Variants in TRPS1 observed in about 807,000 individuals in gnomAD.
The protein encoded by TRPS1 is transcriptional repressor GATA binding 1.
In TRPS1, 6 loss-of-function variants were observed where a neutral mutation model predicts 101.2. That is an observed-to-expected ratio of 0.06 (90% CI 0.03 to 0.12). TRPS1 has a LOEUF of 0.12. Ranked by LOEUF, TRPS1 falls within the 10% of genes least tolerant of loss-of-function variation. The probability of loss-of-function intolerance (pLI) is 1.00; values close to 1 mark genes in which losing one functional copy is unlikely to be tolerated. For missense variants in TRPS1, 1,363 were observed against 1,567.0 expected (o/e 0.87, Z 2.20); for synonymous variants, 578 against 589.8 (o/e 0.98, Z 0.29).
intron 5 of TRPS1, among the ~76,000 whole-genome samples, chr8:115,528,785 G>A (rs1469433222): frequency 1.3e-5 from 2 of 151,874 alleles, no homozygotes; most frequent in East Asian, 3.9e-4. Flanking sequence ...ATATATATAT[G>A]TATATATAGT....
At chr8:115,442,625 C>T (rs1340266801) in intron 5 of TRPS1, among the ~76,000 whole-genome samples, 1 of 151,418 alleles carries the variant, frequency 6.6e-6, no homozygotes, top group Non-Finnish European at 1.5e-5. Flanking sequence ...AGGGGTTACA[C>T]AGCATAGTGC....
chr8:115,499,917 T>G (rs112072516), intron 5 of TRPS1, among the ~76,000 whole-genome samples: 32 of 75,122 alleles, frequency 4.3e-4, no homozygotes, highest in Admixed American at 1.5e-3. Context: ...AGTGCTAAAT[T>G]TCTTTCTTTC....
chr8:115,589,709 T>C (rs1486285725), intron 4 of TRPS1, among the ~76,000 whole-genome samples: 3 of 152,176 alleles, frequency 2.0e-5, no homozygotes, highest in East Asian at 1.9e-4. Context: ...TTGCCACCAA[T>C]GTCAAGGCCA....
intron 5 of TRPS1, among the ~76,000 whole-genome samples, chr8:115,525,485 T>C (rs1815974626): frequency 6.6e-6 from 1 of 152,042 alleles, no homozygotes; most frequent in East Asian, 1.9e-4. Flanking sequence ...ACAATGGTGG[T>C]GGTGGGACAG....
At chr8:115,421,397 A>C (rs978981549) in intron 5 of TRPS1, among the ~76,000 whole-genome samples, 12 of 152,222 alleles carry the variant, frequency 7.9e-5, no homozygotes, top group African/African-American at 2.9e-4. Context: ...TTGTATGAGA[A>C]AAATATTTTG....
In TRPS1 at chr8:115,574,334, TC is replaced by T. The variant is rs1355639068; in HGVS notation, c.2700+12666del. On this transcript the variant is annotated intron_variant, in intron 5 of 6. Coordinates refer to ENST00000395715, the MANE Select transcript of TRPS1 (RefSeq NM_014112.5). ...CTGTTCTTTGAAAATAAATCCTGAA[TC>T]CATATGAATACCAATATATTTAAAT... Among the ~76,000 whole-genome samples, 2 of 152,086 alleles carry T rather than the reference TC, an allele frequency of 1.3e-5. 1 individual carries two copies. The highest frequency in any genetic ancestry group is 1.3e-4 in the Admixed American group (2 of 15,240).
At chr8:115,631,112 C>G (rs1284289457) in intron 1 of TRPS1, among the ~76,000 whole-genome samples, 2 of 152,000 alleles carry the variant, frequency 1.3e-5, no homozygotes, top group African/African-American at 4.8e-5. Context: ...AACTACATGC[C>G]TCTAAAATGG....
chr8:115,484,646 AC>A (rs1814834565), intron 5 of TRPS1, among the ~76,000 whole-genome samples: 1 of 152,162 alleles, frequency 6.6e-6, no homozygotes, highest in Non-Finnish European at 1.5e-5. Flanking sequence ...TTCAAAAATG[AC>A]TTTTTTCCTG....
chr8:115,609,715 C>CA (rs1257774136), intron 3 of TRPS1, among the ~76,000 whole-genome samples: 1 of 152,024 alleles, frequency 6.6e-6, no homozygotes, highest in African/African-American at 2.4e-5. Flanking sequence ...AATTAAGGCA[C>CA]AAAAAAGAGT....
intron 5 of TRPS1, among the ~76,000 whole-genome samples, chr8:115,528,813 G>T (rs1188213010): frequency 6.6e-6 from 1 of 151,776 alleles, no homozygotes; most frequent in Non-Finnish European, 1.5e-5. Context: ...CTGTAGAGAT[G>T]GTATAACATG....
chr8:115,604,114 C>T lies in TRPS1; in HGVS notation c.1855G>A (p.Ala619Thr), dbSNP rs1817973399. ...TGTTTGACTCGCGAGCTTCCAGCCG[C>T]CCCAGGAGACAAGTGCAGAAGCAAG... ...ALLLLHLSPG[A>T]AGSSRVKHQC... The change falls in exon 4 of 7, where the codon GCG becomes ACG. Residue 619 changes from alanine to threonine, a missense_variant. This residue lies in a region of TRPS1 where 1,020 missense variants were observed against 1,073.0 expected (regional missense o/e 0.95). Transcript: ENST00000395715. This position sits in a 1 kb window ranked among gnomAD's most constrained non-coding sequence, Gnocchi z 4.1. 1 of 1,613,960 alleles carries T rather than the reference C, an allele frequency of 6.2e-7. No homozygotes were observed. Among genetic ancestry groups the T allele is most frequent in the Non-Finnish European group, 8.5e-7 (1 of 1,180,016 alleles).
chr8:115,585,586 G>T (rs1403950002), intron 5 of TRPS1, among the ~76,000 whole-genome samples: 2 of 152,102 alleles, frequency 1.3e-5, no homozygotes, highest in Admixed American at 1.3e-4. Context: ...AGTCACTTGA[G>T]GCCAGAAGAG....
intron 1 of TRPS1, among the ~76,000 whole-genome samples, chr8:115,628,383 A>G (rs1380262367): frequency 6.6e-6 from 1 of 151,674 alleles, no homozygotes; most frequent in Non-Finnish European, 1.5e-5. Flanking sequence ...ATTTAGTGCC[A>G]ACTCCTTATT....
Position 115,574,292 on chromosome 8 carries a change from T to A in TRPS1, c.2700+12709A>T, listed in dbSNP as rs540270369. 5.9e-5 allele frequency among the ~76,000 whole-genome samples: 9 copies of A among 152,292 alleles called. No homozygotes were observed. In the East Asian group the frequency reaches 1.7e-3, roughly 29 times the overall value. ...TCTTTCAAGTTTGAGTACAGGTTAG[T>A]TTGGTCTAGTGAATATCTGTTCTTT... On this transcript the variant is annotated intron_variant, in intron 5 of 6. Coordinates refer to ENST00000395715, the MANE Select transcript of TRPS1 (RefSeq NM_014112.5).
intron 1 of TRPS1, among the ~76,000 whole-genome samples, chr8:115,647,868 T>G (rs4876610): frequency 6.6e-6 from 1 of 152,034 alleles, no homozygotes; most frequent in East Asian, 1.9e-4. Context: ...CATTTTAAAT[T>G]TTTTTGTATT....
chr8:115,603,858 C>G lies in TRPS1; in HGVS notation c.2096+15G>C. The G allele has an allele frequency of 6.2e-7, 1 of 1,613,594 alleles. No homozygotes were observed. The highest frequency in any genetic ancestry group is 1.1e-5 in the South Asian group (1 of 91,052). On this transcript the variant is annotated intron_variant, in intron 4 of 6. Transcript: ENST00000395715. Reference sequence around the variant, plus strand: ...TATTTGTATATTCCTCCCGACCCCACCCCCCATGCCTCACCTGTAGTGTCG... The same window carrying G: ...TATTTGTATATTCCTCCCGACCCCAGCCCCCATGCCTCACCTGTAGTGTCG...
intron 5 of TRPS1, among the ~76,000 whole-genome samples, chr8:115,474,598 GT>G (rs1190025510): frequency 2.6e-5 from 4 of 152,194 alleles, no homozygotes; most frequent in Non-Finnish European, 5.9e-5. Flanking sequence ...TAGTGAAAGT[GT>G]CTGTATTTAA....
chr8:115,469,981 C>T (rs1814425834), intron 5 of TRPS1, among the ~76,000 whole-genome samples: 1 of 152,154 alleles, frequency 6.6e-6, no homozygotes, highest in East Asian at 1.9e-4. Flanking sequence ...CCATGTCCAG[C>T]CTTGGATATG....
At chr8:115,570,402 A>C (rs1484804569) in intron 5 of TRPS1, among the ~76,000 whole-genome samples, 1 of 152,116 alleles carries the variant, frequency 6.6e-6, no homozygotes, top group Admixed American at 6.6e-5. Flanking sequence ...GGTTTTCCAA[A>C]TTTTAAAAAA....
Sources: gnomAD v4.1 joint callset for allele counts (sites outside exome capture counted in the v4.1 genomes callset) on GRCh38, gnomAD v4.1.1 for gene constraint, gnomAD v4.1.1 regional missense constraint, Gnocchi (gnomAD v3.1) non-coding constraint, MANE v1.5 for transcripts, NCBI Gene and HGNC (gene_info 2026-07-23, HGNC 2026-07-21) for gene names.